Variants in LIPC observed in about 807,000 individuals in gnomAD.
The protein encoded by LIPC is lipase C, hepatic type.
Under a neutral mutation model 50.7 loss-of-function variants are expected in LIPC, and 44 were observed. The ratio of observed to expected loss-of-function variants is 0.87; its 90% confidence interval spans 0.68 to 1.11. The LOEUF is 1.11. Ranked by LOEUF, LIPC falls within the 50% of genes most tolerant of loss-of-function variation. LIPC has a pLI of 0.00. For synonymous variants in LIPC, 271 were observed against 256.4 expected, an observed-to-expected ratio of 1.06 and a Z score of -0.54; for missense variants, 697 against 648.2, an observed-to-expected ratio of 1.08 and a Z score of -0.82.
intron 1 of LIPC, among the ~76,000 whole-genome samples, chr15:58,471,452 A>G (rs1436147621): frequency 2.0e-5 from 3 of 151,972 alleles, no homozygotes; most frequent in African/African-American, 4.8e-5. Flanking sequence ...CCAGCTGATA[A>G]GTAGCTTTAA....
Position 58,506,907 on chromosome 15 carries a change from G to A in LIPC, c.89-31426G>A, listed in dbSNP as rs184954656. Among the ~76,000 whole-genome samples, 231 of 152,322 alleles carry A rather than the reference G, an allele frequency of 1.5e-3. 1 individual carries two copies. Among genetic ancestry groups the A allele is most frequent in the Middle Eastern group, 3.4e-3 (1 of 294 alleles). The stretch of plus-strand genomic sequence containing the variant: ...TTCAGCATGGCTTGGGAGGCCTCAG[G>A]AAACTTACAATCATTGCAGAGGAGG... On this transcript the variant is annotated intron_variant, in intron 1 of 8. Coordinates refer to ENST00000299022, the MANE Select transcript of LIPC (RefSeq NM_000236.3).
rs774356974 is a variant in LIPC, at chr15:58,542,585, G to A, written c.508G>A (p.Gly170Ser). Residue 170 changes from glycine to serine, a missense_variant, in exon 4 of 9, where the codon GGT becomes AGT. Physicochemically the swap from Gly to Ser is moderately conservative, Grantham distance 56 (BLOSUM62 0). Transcript: ENST00000299022. ...SHVHLIGYSL[G>S]AHVSGFAGSS... ...TGTTCACCTAATTGGGTACAGCCTG[G>A]GTGCACACGTGTCAGGATTTGCCGG... 1 of 1,613,720 alleles carries A rather than the reference G, an allele frequency of 6.2e-7. No homozygotes were observed. The highest frequency in any genetic ancestry group is 1.3e-5 in the African/African-American group (1 of 74,872).
At chr15:58,448,838 G>A (rs554592179) in intron 1 of LIPC, among the ~76,000 whole-genome samples, 20 of 152,328 alleles carry the variant, frequency 1.3e-4, no homozygotes, top group Middle Eastern at 6.8e-3. Context: ...GTAACTAAAC[G>A]GTAACTAAAA....
chr15:58,562,958 G>T (rs1312986702), intron 7 of LIPC, among the ~76,000 whole-genome samples: 1 of 152,182 alleles, frequency 6.6e-6, no homozygotes, highest in African/African-American at 2.4e-5. Flanking sequence ...TTGGAGATTA[G>T]TGAGTAAAGC....
chr15:58,541,821 G>A lies in LIPC; in HGVS notation c.310G>A (p.Val104Met), dbSNP rs763980399. The A allele has an allele frequency of 1.9e-6, 3 of 1,613,520 alleles. No individual in the cohort carries two copies. The highest frequency in any genetic ancestry group is 2.5e-6 in the Non-Finnish European group (3 of 1,179,942). The change falls in exon 3 of 9, where the codon GTG becomes ATG. Residue 104 changes from valine to methionine, a missense_variant. Transcript: ENST00000299022. ...GVLENWIWQM[V>M]AALKSQPAQP... ...GCTAGAAAACTGGATCTGGCAGATG[G>A]TGGCCGCGCTGAAGTCTCAGCCGGC...
intron 1 of LIPC, among the ~76,000 whole-genome samples, chr15:58,461,471 C>T (rs572054707): frequency 6.6e-6 from 1 of 152,298 alleles, no homozygotes; most frequent in South Asian, 2.1e-4. Flanking sequence ...GTGGCTCGAT[C>T]TTGGCTCACT....
chr15:58,445,652 G>A (rs1893669728), intron 1 of LIPC, among the ~76,000 whole-genome samples: 1 of 152,210 alleles, frequency 6.6e-6, no homozygotes, highest in African/African-American at 2.4e-5. Context: ...TGAGAAAAGA[G>A]ACCCAGATTT....
chr15:58,438,310 GC>G, intron 1 of LIPC, among the ~76,000 whole-genome samples: 1 of 152,088 alleles, frequency 6.6e-6, no homozygotes, highest in East Asian at 1.9e-4. Flanking sequence ...AACCACCCAG[GC>G]CTCAGCCTGG....
At chr15:58,526,195 C>T (rs1457797620) in intron 1 of LIPC, among the ~76,000 whole-genome samples, 1 of 152,174 alleles carries the variant, frequency 6.6e-6, no homozygotes, top group African/African-American at 2.4e-5. Flanking sequence ...GTCTGCATCT[C>T]CAGCACATGA....
At chr15:58,554,051 G>C (rs1893851244) in intron 6 of LIPC, among the ~76,000 whole-genome samples, 1 of 151,822 alleles carries the variant, frequency 6.6e-6, no homozygotes, top group South Asian at 2.1e-4. Flanking sequence ...ATATCTCCCA[G>C]AGCCAACATC....
chr15:58,442,681 A>G (rs756240754), intron 1 of LIPC, among the ~76,000 whole-genome samples: 2 of 152,204 alleles, frequency 1.3e-5, no homozygotes, highest in African/African-American at 2.4e-5. Context: ...TCCCCACTTC[A>G]CAGATGGGGA....
At chr15:58,539,774 C>T (rs1199300428) in intron 2 of LIPC, among the ~76,000 whole-genome samples, 1 of 152,152 alleles carries the variant, frequency 6.6e-6, no homozygotes, top group Admixed American at 6.5e-5. Context: ...ACCCCATGCA[C>T]CTGCCTTCTC....
intron 1 of LIPC, among the ~76,000 whole-genome samples, chr15:58,530,085 A>C (rs1197099712): frequency 6.6e-6 from 1 of 152,246 alleles, no homozygotes; most frequent in East Asian, 1.9e-4. Context: ...GATTGATAAG[A>C]GAAGGAAAAT....
At chr15:58,458,977 C>T (rs1894236319) in intron 1 of LIPC, among the ~76,000 whole-genome samples, 1 of 152,164 alleles carries the variant, frequency 6.6e-6, no homozygotes, top group African/African-American at 2.4e-5. Flanking sequence ...TATTAGTTTT[C>T]TAGTGAATAT....
In LIPC at chr15:58,548,397, C is replaced by T. The variant is rs758880495; in HGVS notation, c.876C>T (p.His292=). The T allele has an allele frequency of 1.4e-5, 22 of 1,614,150 alleles. No homozygotes were observed. The highest frequency in any genetic ancestry group is 6.7e-5 in the East Asian group (3 of 44,876). The change falls in exon 6 of 9, where the codon CAC becomes CAT. Residue 292 remains histidine, a synonymous_variant. Transcript: ENST00000299022. ...ACCTTTTCATCGACTCCTTGCTGCA[C>T]GCCGGCACGCAGAGCATGGCCTACC... The part of the protein sequence containing the change: ...SVHLFIDSLL[H]AGTQSMAYPC...
intron 1 of LIPC, among the ~76,000 whole-genome samples, chr15:58,506,245 C>G (rs2140847572): frequency 6.6e-6 from 1 of 152,148 alleles, no homozygotes; most frequent in East Asian, 1.9e-4. Context: ...TCTATGACAC[C>G]CTTGGGGCAA....
intron 1 of LIPC, among the ~76,000 whole-genome samples, chr15:58,507,186 A>G (rs1301001342): frequency 6.6e-6 from 1 of 152,230 alleles, no homozygotes; most frequent in African/African-American, 2.4e-5. Context: ...AAACCAGGAG[A>G]ACAGGGAAAT....
chr15:58,564,588 G>A (rs1055413757), intron 8 of LIPC, among the ~76,000 whole-genome samples: 10 of 152,064 alleles, frequency 6.6e-5, no homozygotes, highest in Admixed American at 2.0e-4. Context: ...TTAGCTGGGC[G>A]TGGTGGCGCA....
intron 1 of LIPC, among the ~76,000 whole-genome samples, chr15:58,531,707 G>A (rs1018268454): frequency 1.1e-4 from 17 of 148,082 alleles, no homozygotes; most frequent in Non-Finnish European, 2.1e-4. Context: ...TTTCTTATTT[G>A]ACAAAAAAAT....
Sources: allele counts gnomAD v4.1 joint callset (sites outside exome capture counted in the v4.1 genomes callset), GRCh38; gene constraint gnomAD v4.1.1; transcripts MANE v1.5; gene names NCBI Gene and HGNC (gene_info 2026-07-23, HGNC 2026-07-21).